Variants in TIMM9 observed in about 807,000 individuals in gnomAD.
The protein encoded by TIMM9 is mitochondrial import inner membrane translocase subunit Tim9.
In TIMM9, 10 loss-of-function variants were observed where a neutral mutation model predicts 13.4. The ratio of observed to expected loss-of-function variants is 0.75; its 90% CI spans 0.46 to 1.26. The LOEUF is 1.26. Ranked by LOEUF, TIMM9 falls within the 50% of genes most tolerant of loss-of-function variation. The pLI is 0.00. For missense variants in TIMM9, 87 were observed against 100.8 expected, an observed-to-expected ratio of 0.86 and a Z score of 0.58; for synonymous variants, 32 against 32.1, an observed-to-expected ratio of 1.00 and a Z score of 0.01.
chr14:58,410,936 A>C lies in TIMM9; in HGVS notation c.42T>G (p.Phe14Leu), dbSNP rs752384712. The change falls in exon 5 of 6, where the codon TTT becomes TTG. Residue 14 changes from phenylalanine to leucine, a missense_variant and splice_region_variant. Phe to Leu is a conservative substitution (Grantham distance 22). Coordinates refer to ENST00000395159, the MANE Select transcript of TIMM9 (RefSeq NM_012460.4). ...QIPESDQIKQ[F>L]KEFLGTYNKL... ...TATTGTAGGTCCCCAGAAATTCCTT[A>C]AACTACAAACAAACCAGAATGTTCT... is the stretch of plus-strand genomic sequence containing the variant. The C allele has an allele frequency of 3.4e-5, 54 of 1,609,016 alleles. No homozygotes were observed. The highest frequency in any genetic ancestry group is 4.4e-5 in the Non-Finnish European group (52 of 1,177,252).
intron 3 of TIMM9, among the ~76,000 whole-genome samples, chr14:58,417,038 G>T (rs1957946): frequency 0.86 from 130,114 of 152,040 alleles, 56,815 homozygotes; most frequent in East Asian, 0.99. Flanking sequence ...CTGTTCTCAT[G>T]ATAGTGAATA....
chr14:58,413,670 TC>T (rs1200320522), intron 3 of TIMM9, among the ~76,000 whole-genome samples: 2 of 152,174 alleles, frequency 1.3e-5, no homozygotes, highest in African/African-American at 4.8e-5. Context: ...ATTTACTATA[TC>T]CTGGCTAGTT....
intron 3 of TIMM9, among the ~76,000 whole-genome samples, chr14:58,421,557 A>G (rs953061602): frequency 6.6e-6 from 1 of 152,156 alleles, no homozygotes; most frequent in Non-Finnish European, 1.5e-5. Context: ...ATTTCAATCC[A>G]CACTAACCTC....
intron 2 of TIMM9, among the ~76,000 whole-genome samples, chr14:58,426,656 T>G (rs2036833374): frequency 6.6e-6 from 1 of 152,234 alleles, no homozygotes; most frequent in Admixed American, 6.5e-5. Flanking sequence ...AAGCTCTAAG[T>G]AGCGCATCCT....
chr14:58,426,146 C>T (rs561537627), intron 2 of TIMM9, among the ~76,000 whole-genome samples: 1 of 151,992 alleles, frequency 6.6e-6, no homozygotes, highest in South Asian at 2.1e-4. Context: ...ATTAGAGAAA[C>T]TCAGCAAGTT....
At chr14:58,426,567 A>C (rs566049132) in intron 2 of TIMM9, among the ~76,000 whole-genome samples, 1 of 152,322 alleles carries the variant, frequency 6.6e-6, no homozygotes, top group African/African-American at 2.4e-5. Context: ...AAAAGAAATA[A>C]AATTAGTTAT....
At chr14:58,413,405 A>G (rs1452681726) in intron 3 of TIMM9, among the ~76,000 whole-genome samples, 3 of 152,238 alleles carry the variant, frequency 2.0e-5, no homozygotes, top group Non-Finnish European at 1.5e-5. Context: ...AGAAATTGAC[A>G]ACCCTCATGA....
At chr14:58,412,242 A>G (rs1026786461) in intron 3 of TIMM9, 1 of 310,760 alleles carries the variant, frequency 3.2e-6, no homozygotes, top group Admixed American at 4.5e-5. Context: ...TCCGGGTTCA[A>G]GCAATTCTCC....
rs573221998 is a variant in TIMM9, at chr14:58,421,878, G to C, written c.-27+2130C>G. ...GTTCAAAAGGTCATCTACTAGACCT[G>C]AGCCTTTTGAATTGTCGAATAAGGA... On this transcript the variant is annotated intron_variant, in intron 3 of 5. Coordinates refer to ENST00000395159, the MANE Select transcript of TIMM9 (RefSeq NM_012460.4). 6.6e-5 allele frequency among the ~76,000 whole-genome samples: 10 copies of C among 152,246 alleles called. No homozygotes were observed. The South Asian group carries it at 1.9e-3, about 28-fold the overall frequency.
chr14:58,412,053 C>T (rs2036237825), intron 3 of TIMM9, 82 bp from the exon 4 acceptor site: 13 of 993,194 alleles, frequency 1.3e-5, no homozygotes, highest in Middle Eastern at 2.3e-4. Flanking sequence ...AATCACTGCT[C>T]GTATTTTATA....
intron 3 of TIMM9, among the ~76,000 whole-genome samples, chr14:58,412,925 T>C (rs996384637): frequency 5.3e-5 from 8 of 151,858 alleles, no homozygotes; most frequent in Non-Finnish European, 8.8e-5. Flanking sequence ...ATAATGATAA[T>C]AAAAAGAAAA....
chr14:58,413,458 T>C (rs1322856422), intron 3 of TIMM9, among the ~76,000 whole-genome samples: 2 of 152,222 alleles, frequency 1.3e-5, no homozygotes, highest in Non-Finnish European at 2.9e-5. Flanking sequence ...GAATTATACA[T>C]TCTACTACAC....
intron 3 of TIMM9, among the ~76,000 whole-genome samples, chr14:58,419,281 T>C (rs142978607): frequency 1.3e-5 from 2 of 152,010 alleles, no homozygotes; most frequent in Non-Finnish European, 2.9e-5. Flanking sequence ...CAGCGAGACC[T>C]TGTCTGTACA....
intron 3 of TIMM9, among the ~76,000 whole-genome samples, chr14:58,416,837 G>C (rs1395580900): frequency 6.6e-6 from 1 of 152,156 alleles, no homozygotes; most frequent in African/African-American, 2.4e-5. Context: ...GCCAGGTGTC[G>C]TGGCTCATGC....
intron 3 of TIMM9, among the ~76,000 whole-genome samples, chr14:58,420,648 C>T (rs914651268): frequency 1.3e-5 from 2 of 151,912 alleles, no homozygotes; most frequent in Admixed American, 1.3e-4. Flanking sequence ...CAAAAGTTAG[C>T]CGGGCATGGT....
chr14:58,420,330 C>G (rs111663092), intron 3 of TIMM9, among the ~76,000 whole-genome samples: 2 of 151,932 alleles, frequency 1.3e-5, no homozygotes, highest in Admixed American at 1.3e-4. Context: ...AACTAATAAG[C>G]AGAAGATATA....
chr14:58,425,114 A>C (rs1481810577), intron 2 of TIMM9, among the ~76,000 whole-genome samples: 1 of 152,072 alleles, frequency 6.6e-6, no homozygotes, highest in Non-Finnish European at 1.5e-5. Flanking sequence ...GGGCTGATTT[A>C]GAGTGAGAAA....
chr14:58,420,296 T>A (rs966066978), intron 3 of TIMM9, among the ~76,000 whole-genome samples: 1 of 152,144 alleles, frequency 6.6e-6, no homozygotes, highest in Non-Finnish European at 1.5e-5. Flanking sequence ...GAGGAAATAT[T>A]TGCAAACTAC....
At chr14:58,426,502 G>T (rs932350119) in intron 2 of TIMM9, among the ~76,000 whole-genome samples, 13 of 152,160 alleles carry the variant, frequency 8.5e-5, no homozygotes, top group Non-Finnish European at 1.6e-4. Flanking sequence ...ACCGCGCTCA[G>T]ACTTTAAAGT....
Sources: allele counts gnomAD v4.1 joint callset (sites outside exome capture counted in the v4.1 genomes callset), GRCh38; gene constraint gnomAD v4.1.1; transcripts MANE v1.5; gene names NCBI Gene and HGNC (gene_info 2026-07-23, HGNC 2026-07-21).